The following CREB5 variants were observed in gnomAD, a reference collection of about 807,000 sequenced individuals.
The protein encoded by CREB5 is cyclic AMP-responsive element-binding protein 5.
A neutral mutation model predicts 57.1 loss-of-function variants in CREB5; 19 were observed. The observed-to-expected ratio is 0.33, with a 90% CI of 0.23 to 0.49. The LOEUF is 0.49. Among genes scored for constraint, CREB5 ranks in the 20% least tolerant of loss-of-function variants. The probability of loss-of-function intolerance (pLI) is 0.99; values close to 1 mark genes in which losing one functional copy is unlikely to be tolerated. For missense variants in CREB5, 579 were observed against 671.6 expected (o/e 0.86, Z 1.52); for synonymous variants, 238 against 238.3 (o/e 1.00, Z 0.01).
intron 7 of CREB5, among the ~76,000 whole-genome samples, chr7:28,783,844 C>T (rs983081070): frequency 1.4e-4 from 21 of 152,314 alleles, no homozygotes; most frequent in African/African-American, 5.1e-4. Flanking sequence ...CCTTGATAAA[C>T]TTCTCATAGA....
intron 5 of CREB5, among the ~76,000 whole-genome samples, chr7:28,606,082 A>G (rs1306954139): frequency 1.3e-5 from 2 of 152,206 alleles, no homozygotes; most frequent in Non-Finnish European, 2.9e-5. Flanking sequence ...GGAAAGCATT[A>G]CTACCAGCTC....
chr7:28,770,524 C>G (rs1292710518), intron 7 of CREB5, among the ~76,000 whole-genome samples: 2 of 152,104 alleles, frequency 1.3e-5, no homozygotes, highest in East Asian at 3.9e-4. Context: ...TCATCATGAT[C>G]CATTTTTTAT....
chr7:28,444,193 G>A (rs1230064888), intron 1 of CREB5, among the ~76,000 whole-genome samples: 2 of 152,136 alleles, frequency 1.3e-5, no homozygotes, highest in Non-Finnish European at 2.9e-5. Flanking sequence ...GTTCATGCTA[G>A]TTTGTGGGAG....
At chr7:28,322,811 A>G (rs2037505202) in intron 1 of CREB5, among the ~76,000 whole-genome samples, 1 of 152,160 alleles carries the variant, frequency 6.6e-6, no homozygotes, top group South Asian at 2.1e-4. Context: ...ATAGTATTCC[A>G]TGGTGTATAT....
chr7:28,412,009 TAGTGATC>T (rs1342199871), upstream of CREB5, among the ~76,000 whole-genome samples: 1 of 152,218 alleles, frequency 6.6e-6, no homozygotes, highest in Non-Finnish European at 1.5e-5. Context: ...ATCAGTGATT[TAGTGATC>T]AGTGATTAGT....
At chr7:28,424,609 C>G (rs1279303108) in intron 1 of CREB5, among the ~76,000 whole-genome samples, 1 of 152,202 alleles carries the variant, frequency 6.6e-6, no homozygotes, top group Non-Finnish European at 1.5e-5. Flanking sequence ...TTGGTTTGGC[C>G]TTGAATTTGT....
intron 7 of CREB5, among the ~76,000 whole-genome samples, chr7:28,802,332 T>C (rs1808421966): frequency 6.6e-6 from 1 of 152,188 alleles, no homozygotes; most frequent in Admixed American, 6.5e-5. Context: ...TTTATTTTTT[T>C]TCTTAGCAGG....
chr7:28,807,106 C>T (rs1583790877), intron 8 of CREB5, among the ~76,000 whole-genome samples: 1 of 152,136 alleles, frequency 6.6e-6, no homozygotes, highest in East Asian at 1.9e-4. Flanking sequence ...TTTGTTATTC[C>T]TCTATAATCG....
In CREB5 at chr7:28,580,558, GGTGT is replaced by G. The variant is rs371277784; in HGVS notation, c.464+10053_464+10056del. On this transcript the variant is annotated intron_variant, in intron 5 of 10. Transcript: ENST00000357727. ...TTGTCGAAATCTCATTTGGCAAATT[GGTGT>G]GTGTGTGTGTGTGTGTGTGTGTGTG... Among the ~76,000 whole-genome samples the G allele has an allele frequency of 3.7e-3, 465 of 124,958 alleles. 2 individuals are homozygous for G. Among genetic ancestry groups the G allele is most frequent in the South Asian group, 0.01 (34 of 3,258 alleles). 82.0% of individuals were successfully genotyped at this position (124,958 alleles called of 152,430 possible).
intron 4 of CREB5, among the ~76,000 whole-genome samples, chr7:28,515,617 C>T (rs1410325415): frequency 6.6e-6 from 1 of 152,128 alleles, no homozygotes; most frequent in African/African-American, 2.4e-5. Flanking sequence ...TTTCACCCTC[C>T]CACTCTGGGA....
intron 1 of CREB5, among the ~76,000 whole-genome samples, chr7:28,451,384 A>C (rs1789795306): frequency 6.6e-6 from 1 of 151,910 alleles, no homozygotes; most frequent in South Asian, 2.1e-4. Context: ...CAGGTTATTC[A>C]GGTATTTTAC....
chr7:28,707,949 T>C (rs1490014012), intron 5 of CREB5, among the ~76,000 whole-genome samples: 1 of 152,238 alleles, frequency 6.6e-6, no homozygotes, highest in East Asian at 1.9e-4. Flanking sequence ...AAGTCTTCCC[T>C]TCCGGCTTTT....
intron 1 of CREB5, among the ~76,000 whole-genome samples, chr7:28,423,516 T>C (rs1194436332): frequency 6.6e-6 from 1 of 152,116 alleles, no homozygotes; most frequent in Non-Finnish European, 1.5e-5. Flanking sequence ...TCAAAAGCCA[T>C]GTAAGAGGCA....
At chr7:28,306,568 T>TG (rs1196174372) in intron 1 of CREB5, among the ~76,000 whole-genome samples, 4,932 of 132,342 alleles carry the variant, frequency 0.037, 93 homozygotes, top group Non-Finnish European at 0.06. Context: ...TTTTTTTTTT[T>TG]TTTTTTTTTT....
At position 28,560,769 on chromosome 7, in the gene CREB5, T is replaced by A. The variant is rs1000976746; in HGVS notation, c.292-9596T>A. 6.4e-4 allele frequency among the ~76,000 whole-genome samples: 97 copies of A among 151,896 alleles called. 6 individuals are homozygous for A. The highest frequency in any genetic ancestry group is 5.9e-5 in the Non-Finnish European group (4 of 68,002). ...CTTCAGAACATGGTATAATTGGCTC[T>A]CGGTGACACATCTTTCTCTGCTTCC... On this transcript the variant is annotated intron_variant, in intron 4 of 10. Transcript: ENST00000357727.
At chr7:28,478,362 A>G (rs1791167739) in intron 1 of CREB5, among the ~76,000 whole-genome samples, 1 of 151,080 alleles carries the variant, frequency 6.6e-6, no homozygotes, top group Non-Finnish European at 1.5e-5. Flanking sequence ...ATATTTATAT[A>G]TATTATATAT....
chr7:28,740,563 G>A (rs1351146058), intron 7 of CREB5, among the ~76,000 whole-genome samples: 2 of 151,594 alleles, frequency 1.3e-5, no homozygotes, highest in East Asian at 3.9e-4. Flanking sequence ...GAAAAGGATC[G>A]TCTTAGCAAA....
intron 1 of CREB5, among the ~76,000 whole-genome samples, chr7:28,454,488 C>G (rs971807037): frequency 1.3e-5 from 2 of 152,170 alleles, no homozygotes; most frequent in African/African-American, 4.8e-5. Context: ...TCCCCCAGGA[C>G]TTCTCTTTTC....
intron 5 of CREB5, among the ~76,000 whole-genome samples, chr7:28,662,597 C>G (rs1004583747): frequency 8.5e-5 from 13 of 152,178 alleles, no homozygotes; most frequent in African/African-American, 2.7e-4. Context: ...AAGCACTTAC[C>G]TACAGACGAT....
Sources: allele counts gnomAD v4.1 joint callset (sites outside exome capture counted in the v4.1 genomes callset), GRCh38; gene constraint gnomAD v4.1.1; transcripts MANE v1.5; gene names NCBI Gene and HGNC (gene_info 2026-07-23, HGNC 2026-07-21).